The following ACSL5 variants were observed in gnomAD, a reference collection of about 807,000 sequenced individuals.
ACSL5 encodes acyl-CoA synthetase long chain family member 5, also known as long-chain-fatty-acid--CoA ligase 5.
ACSL5 carries 50 observed loss-of-function variants against 84.9 expected under a neutral mutation model. That is an observed-to-expected ratio of 0.59 (90% CI 0.47 to 0.75). The LOEUF is 0.75. ACSL5 is among the 30% of genes least tolerant of loss of function. The probability of loss-of-function intolerance (pLI) is 0.00; values close to 1 mark genes in which losing one functional copy is unlikely to be tolerated. For synonymous variants in ACSL5, 280 were observed against 300.7 expected (o/e 0.93, Z 0.71); for missense variants, 775 against 830.4 (o/e 0.93, Z 0.82).
At chr10:112,389,599 A>C (rs1849517996) in intron 1 of ACSL5, among the ~76,000 whole-genome samples, 1 of 152,160 alleles carries the variant, frequency 6.6e-6, no homozygotes, top group African/African-American at 2.4e-5. Context: ...GTTAAAAGGA[A>C]GAGGAAATGC....
At chr10:112,377,277 C>T (rs1026311189) in intron 1 of ACSL5, among the ~76,000 whole-genome samples, 1 of 152,232 alleles carries the variant, frequency 6.6e-6, no homozygotes, top group African/African-American at 2.4e-5. Context: ...CAGTGACTCA[C>T]ACCTGTAATC....
At chr10:112,410,036 C>T (rs189755059) in intron 7 of ACSL5, 78 of 337,320 alleles carry the variant, frequency 2.3e-4, no homozygotes, top group Middle Eastern at 1.5e-3. Flanking sequence ...TCCCTTCTCT[C>T]GGTCCGTAAA....
At chr10:112,425,572 G>T in intron 18 of ACSL5, 91 bp downstream of exon 18, 16 of 922,984 alleles carry the variant, frequency 1.7e-5, no homozygotes, top group South Asian at 3.4e-5. Context: ...GGTTCAGAAT[G>T]AGAAGATCCA....
intron 2 of ACSL5, among the ~76,000 whole-genome samples, chr10:112,396,742 CTCT>C (rs1285414904): frequency 3.9e-5 from 6 of 152,070 alleles, no homozygotes; most frequent in Non-Finnish European, 8.8e-5. Flanking sequence ...TTAAATGTAT[CTCT>C]TCTTACCCAG....
intron 1 of ACSL5, among the ~76,000 whole-genome samples, chr10:112,389,132 A>T (rs866121771): frequency 6.6e-6 from 1 of 152,246 alleles, no homozygotes; most frequent in Non-Finnish European, 1.5e-5. Context: ...CTAAATGAAG[A>T]CATGCTGCCC....
At chr10:112,396,796 T>G (rs370352495) in intron 2 of ACSL5, among the ~76,000 whole-genome samples, 5 of 152,210 alleles carry the variant, frequency 3.3e-5, no homozygotes, top group African/African-American at 1.2e-4. Context: ...GATTCTTCCT[T>G]CTTCCTTGAC....
chr10:112,423,944 A>C (rs886614973), intron 17 of ACSL5, among the ~76,000 whole-genome samples: 3 of 152,208 alleles, frequency 2.0e-5, no homozygotes, highest in African/African-American at 7.2e-5. Context: ...TGAGCAACAT[A>C]GCAAGACTCT....
intron 1 of ACSL5, among the ~76,000 whole-genome samples, chr10:112,378,862 T>A (rs551132970): frequency 6.6e-6 from 1 of 152,220 alleles, no homozygotes; most frequent in Non-Finnish European, 1.5e-5. Flanking sequence ...GGTTCTCAAC[T>A]CATTGTTTGA....
chr10:112,390,905 G>A (rs1049840809), intron 1 of ACSL5, among the ~76,000 whole-genome samples: 2 of 152,096 alleles, frequency 1.3e-5, no homozygotes, highest in South Asian at 4.1e-4. Flanking sequence ...TTCTCTAGAG[G>A]CTGGGCATTG....
intron 1 of ACSL5, among the ~76,000 whole-genome samples, chr10:112,378,213 ATCT>A (rs1175027175): frequency 8.5e-5 from 12 of 141,878 alleles, no homozygotes; most frequent in Admixed American, 3.6e-4. Context: ...AATCAAGACA[ATCT>A]TCTTCTTCTT....
At chr10:112,391,958 C>T (rs764413665) in intron 1 of ACSL5, among the ~76,000 whole-genome samples, 39 of 152,260 alleles carry the variant, frequency 2.6e-4, no homozygotes, top group Middle Eastern at 3.4e-3. Flanking sequence ...CTGACCCCAC[C>T]CCCATATCAC....
chr10:112,417,339 C>A (rs1844339896), intron 13 of ACSL5, among the ~76,000 whole-genome samples: 1 of 151,730 alleles, frequency 6.6e-6, no homozygotes, highest in Non-Finnish European at 1.5e-5. Context: ...CCAGTCTCTA[C>A]TAAAAATACA....
intron 7 of ACSL5, 156 bp from the exon 8 acceptor site, chr10:112,410,307 G>T (rs775342998): frequency 6.5e-7 from 1 of 1,548,502 alleles, no homozygotes; most frequent in Non-Finnish European, 8.7e-7. Context: ...GGCTTCCATT[G>T]TTCCTGAATG....
intron 12 of ACSL5, among the ~76,000 whole-genome samples, chr10:112,415,927 T>C (rs1844303445): frequency 6.6e-6 from 1 of 152,112 alleles, no homozygotes; most frequent in Non-Finnish European, 1.5e-5. Context: ...AGGAGTGTGG[T>C]TGATGGAATG....
At chr10:112,374,804 G>T (rs1849207236) in intron 1 of ACSL5, among the ~76,000 whole-genome samples, 1 of 152,168 alleles carries the variant, frequency 6.6e-6, no homozygotes. Context: ...TCTCCAGGCT[G>T]TTAAACAGCA....
intron 1 of ACSL5, among the ~76,000 whole-genome samples, chr10:112,390,233 C>T (rs1482925083): frequency 2.0e-5 from 3 of 151,960 alleles, no homozygotes; most frequent in Non-Finnish European, 4.4e-5. Flanking sequence ...CTTGAGTAGA[C>T]ATTTCTTCAA....
chr10:112,375,102 G>A (rs1214264634), intron 1 of ACSL5: 1 of 152,120 alleles, frequency 6.6e-6, no homozygotes, highest in Non-Finnish European at 1.5e-5. Context: ...GAGCCCTTTG[G>A]TGAAGGAAGA....
chr10:112,416,470 CAAAAAAAAAAAA>C (rs35770074), intron 12 of ACSL5, among the ~76,000 whole-genome samples: 1 of 58,398 alleles, frequency 1.7e-5, no homozygotes, highest in Admixed American at 2.0e-4. Flanking sequence ...GACTCTGTCT[CAAAAAAAAAAAA>C]AAAAAAAAAA....
At position 112,421,677 on chromosome 10, in the gene ACSL5, A is replaced by G. The variant is rs557259811; in HGVS notation, c.1387+12A>G. The G allele has an allele frequency of 2.5e-6, 4 of 1,609,390 alleles. No individual in the cohort carries two copies. The African/African-American group carries it at 5.3e-5, about 21-fold the overall frequency. ...GGACTGGACATCAGGTAAGTCCTCC[A>G]TCTGCTGGGCAGGAGGTGCCATGGT... On this transcript the variant is annotated intron_variant, in intron 15 of 20. Transcript: ENST00000354655.
Sources: gnomAD v4.1 joint callset for allele counts (sites outside exome capture counted in the v4.1 genomes callset) on GRCh38, gnomAD v4.1.1 for gene constraint, MANE v1.5 for transcripts, NCBI Gene and HGNC (gene_info 2026-07-23, HGNC 2026-07-21) for gene names.